The following RNF217 variants were observed in gnomAD, a reference collection of about 807,000 sequenced individuals.
RNF217 encodes the protein ring finger protein 217, also known as E3 ubiquitin-protein ligase RNF217.
RNF217 carries 31 observed loss-of-function variants against 57.8 expected under a neutral mutation model. The observed-to-expected ratio is 0.54, with a 90% CI of 0.40 to 0.72. The LOEUF (loss-of-function observed/expected upper bound fraction) is 0.72. Among genes scored for constraint, RNF217 ranks in the 30% least tolerant of loss-of-function variants. The pLI, the probability that RNF217 is intolerant of heterozygous loss-of-function variation, is 0.00. For synonymous variants in RNF217, 313 were observed against 294.0 expected, an observed-to-expected ratio of 1.06 and a Z score of -0.66; for missense variants, 696 against 708.3, an observed-to-expected ratio of 0.98 and a Z score of 0.20.
intron 1 of RNF217, among the ~76,000 whole-genome samples, chr6:125,025,206 A>G (rs1206983162): frequency 2.0e-5 from 3 of 152,202 alleles, no homozygotes; most frequent in East Asian, 3.9e-4. Flanking sequence ...ATAATTTTGT[A>G]GAGAATGACT....
chr6:125,005,796 A>G (rs1785157588), intron 1 of RNF217, among the ~76,000 whole-genome samples: 1 of 152,226 alleles, frequency 6.6e-6, no homozygotes, highest in African/African-American at 2.4e-5. Flanking sequence ...GTTTAATTAA[A>G]TATGGTTTTG....
At chr6:124,963,556 C>T (rs1292917211) in intron 1 of RNF217, 130 bp downstream of exon 1, 2 of 1,125,616 alleles carry the variant, frequency 1.8e-6, no homozygotes, top group Non-Finnish European at 2.4e-6. Flanking sequence ...CTGTTAGTTT[C>T]TCACGTCTCA....
chr6:124,989,617 C>T (rs571371153), intron 1 of RNF217, among the ~76,000 whole-genome samples: 1 of 105,240 alleles, frequency 9.5e-6, no homozygotes, highest in East Asian at 2.9e-4. Flanking sequence ...TCCAATAAAG[C>T]TTTATTTGTA....
chr6:124,983,701 C>T (rs1174816558), intron 1 of RNF217, among the ~76,000 whole-genome samples: 1 of 152,044 alleles, frequency 6.6e-6, no homozygotes, highest in Non-Finnish European at 1.5e-5. Flanking sequence ...CTTACTGGCT[C>T]AGTAGGAAGA....
intron 3 of RNF217, among the ~76,000 whole-genome samples, chr6:125,073,923 A>G (rs1489898118): frequency 6.6e-6 from 1 of 152,178 alleles, no homozygotes; most frequent in African/African-American, 2.4e-5. Flanking sequence ...AGGGAATATT[A>G]TCTAACTTGA....
At chr6:125,029,816 A>G (rs1372803485) in intron 1 of RNF217, among the ~76,000 whole-genome samples, 1 of 152,212 alleles carries the variant, frequency 6.6e-6, no homozygotes, top group African/African-American at 2.4e-5. Context: ...GAAATCAGCT[A>G]CATAAAAGGA....
chr6:125,031,608 C>T (rs892013468), intron 1 of RNF217, among the ~76,000 whole-genome samples: 1 of 152,164 alleles, frequency 6.6e-6, no homozygotes, highest in Non-Finnish European at 1.5e-5. Flanking sequence ...GTCACCTTTG[C>T]TCTAATTCCC....
chr6:125,032,041 C>T (rs956229155), intron 1 of RNF217, among the ~76,000 whole-genome samples: 1 of 152,070 alleles, frequency 6.6e-6, no homozygotes, highest in Non-Finnish European at 1.5e-5. Context: ...AAGTGGAAAC[C>T]CATCAGATCT....
intron 1 of RNF217, among the ~76,000 whole-genome samples, chr6:124,994,523 T>C (rs1784676307): frequency 6.6e-6 from 1 of 152,182 alleles, no homozygotes; most frequent in Non-Finnish European, 1.5e-5. Flanking sequence ...ACTAAGACTG[T>C]CCAGACTTCT....
chr6:125,038,227 A>T lies in RNF217; in HGVS notation c.883-6984A>T, dbSNP rs182120109. 2.6e-5 allele frequency among the ~76,000 whole-genome samples: 4 copies of T among 152,304 alleles called. No individual in the cohort carries two copies. In the East Asian group the frequency reaches 7.7e-4, roughly 29 times the overall value. ...CAGCATCTTTTTCAGTGATATAAAT[A>T]GTTGTATTAGCATTTTACACACGGA... On this transcript the variant is annotated intron_variant, in intron 1 of 5. Transcript: ENST00000521654.
chr6:125,020,318 GTA>G (rs1785789345), intron 1 of RNF217, among the ~76,000 whole-genome samples: 1 of 152,200 alleles, frequency 6.6e-6, no homozygotes, highest in South Asian at 2.1e-4. Context: ...CCTATGAGAA[GTA>G]TATGATCCAG....
chr6:125,053,673 C>T (rs1787413288), intron 2 of RNF217, among the ~76,000 whole-genome samples: 1 of 151,994 alleles, frequency 6.6e-6, no homozygotes, highest in Non-Finnish European at 1.5e-5. Flanking sequence ...GAGAAAATGC[C>T]ATTTTCTTAG....
At chr6:124,965,595 A>G (rs1266914143) in intron 1 of RNF217, among the ~76,000 whole-genome samples, 2 of 152,176 alleles carry the variant, frequency 1.3e-5, no homozygotes, top group African/African-American at 4.8e-5. Flanking sequence ...AATATACATT[A>G]TTTAAAATAA....
intron 1 of RNF217, among the ~76,000 whole-genome samples, chr6:125,019,634 C>T (rs1785747865): frequency 6.6e-6 from 1 of 152,124 alleles, no homozygotes; most frequent in African/African-American, 2.4e-5. Flanking sequence ...CTCCAAAGAT[C>T]ATTTTCCACC....
At chr6:125,030,001 G>A (rs774797782) in intron 1 of RNF217, among the ~76,000 whole-genome samples, 8 of 152,240 alleles carry the variant, frequency 5.3e-5, no homozygotes, top group South Asian at 4.2e-4. Context: ...AGAGTTACAC[G>A]TGGCTGGGGA....
At chr6:125,032,218 A>G (rs1000361672) in intron 1 of RNF217, among the ~76,000 whole-genome samples, 1 of 152,188 alleles carries the variant, frequency 6.6e-6, no homozygotes, top group African/African-American at 2.4e-5. Flanking sequence ...TTTCTCCACT[A>G]CACAGTAAAG....
chr6:124,995,541 A>G (rs1784714911), intron 1 of RNF217, among the ~76,000 whole-genome samples: 1 of 152,202 alleles, frequency 6.6e-6, no homozygotes, highest in African/African-American at 2.4e-5. Context: ...ATTCTTTTAT[A>G]TGAGACAGCA....
At chr6:125,046,158 C>T (rs994434808) in intron 2 of RNF217, among the ~76,000 whole-genome samples, 30 of 152,064 alleles carry the variant, frequency 2.0e-4, no homozygotes, top group South Asian at 6.2e-4. Flanking sequence ...AGTAAGTGCA[C>T]GGCCCCCGAG....
At chr6:125,070,162 A>T (rs141482303) in intron 3 of RNF217, among the ~76,000 whole-genome samples, 25 of 152,066 alleles carry the variant, frequency 1.6e-4, no homozygotes, top group African/African-American at 5.8e-4. Flanking sequence ...GCTCCATCCA[A>T]GTTTCTGCAA....
Sources: allele counts gnomAD v4.1 joint callset (sites outside exome capture counted in the v4.1 genomes callset), GRCh38; gene constraint gnomAD v4.1.1; transcripts MANE v1.5; gene names NCBI Gene and HGNC (gene_info 2026-07-23, HGNC 2026-07-21).